Variants in CRCP observed in about 807,000 individuals in gnomAD.
CRCP encodes CGRP receptor component, also known as DNA-directed RNA polymerase III subunit RPC9.
A neutral mutation model predicts 18.5 loss-of-function variants in CRCP; 18 were observed. The ratio of observed to expected loss-of-function variants is 0.97; its 90% CI spans 0.67 to 1.44. CRCP has a LOEUF of 1.44. Ranked by LOEUF, CRCP falls within the 40% of genes most tolerant of loss-of-function variation. CRCP has a pLI of 0.00. For missense variants in CRCP, 130 were observed against 176.4 expected (o/e 0.74, Z 1.49); for synonymous variants, 53 against 62.9 (o/e 0.84, Z 0.75).
At chr7:66,132,394 T>C (rs1256103158) in intron 3 of CRCP, among the ~76,000 whole-genome samples, 1 of 152,194 alleles carries the variant, frequency 6.6e-6, no homozygotes, top group East Asian at 1.9e-4. Flanking sequence ...TTGTAGAATG[T>C]CTGTTGATTT....
intron 4 of CRCP, among the ~76,000 whole-genome samples, chr7:66,139,549 T>G (rs1353893160): frequency 6.6e-6 from 1 of 152,226 alleles, no homozygotes; most frequent in Non-Finnish European, 1.5e-5. Flanking sequence ...ATTTGAGTAT[T>G]ATATTGTTTA....
intron 3 of CRCP, among the ~76,000 whole-genome samples, chr7:66,133,696 G>GT (rs371983195): frequency 0.092 from 13,105 of 142,786 alleles, 719 homozygotes; most frequent in Non-Finnish European, 0.12. Flanking sequence ...CAGATTGAGG[G>GT]TTTTTTTTTT....
At position 66,145,514 on chromosome 7, in the gene CRCP, G is replaced by A. The variant is rs201461496; in HGVS notation, c.297+14G>A. On this transcript the variant is annotated intron_variant, in intron 5 of 5. Transcript: ENST00000395326. The stretch of plus-strand genomic sequence containing the variant: ...GAGATCCAGCTGGTGAGTGAAGGGC[G>A]CCTGTGCTGGGGAGGCTGCTGTGGG... 39 of 1,613,704 alleles carry A rather than the reference G, an allele frequency of 2.4e-5. No homozygotes were observed. In the African/African-American group the frequency reaches 3.2e-4, roughly 13 times the overall value.
chr7:66,134,259 CTTTTTTTTT>C lies in CRCP; in HGVS notation c.145-14_145-6del. 1 of 1,386,640 alleles carries C rather than the reference CTTTTTTTTT, an allele frequency of 7.2e-7. No homozygotes were observed. Among genetic ancestry groups the C allele is most frequent in the Non-Finnish European group, 9.9e-7 (1 of 1,014,230 alleles). The allele number at this position is 1,386,640 out of a possible 1,614,324, so 85.9% of individuals were successfully genotyped here. A position where few individuals can be genotyped will look rare whatever the true frequency, so the allele number is the denominator to read the frequency against. ...TCTTTGTCTTATGCTTGGCTTTTTT[CTTTTTTTTT>C]TTTTTTGCCAGACGTTAAAATACAT... On this transcript the variant is annotated splice_polypyrimidine_tract_variant and intron_variant, in intron 3 of 5. Coordinates refer to ENST00000395326, the MANE Select transcript of CRCP (RefSeq NM_014478.5).
intron 1 of CRCP, among the ~76,000 whole-genome samples, chr7:66,116,396 G>A (rs1347677916): frequency 1.3e-5 from 2 of 151,156 alleles, no homozygotes; most frequent in Non-Finnish European, 2.9e-5. Flanking sequence ...TTACGAGGCT[G>A]AGATGGGAGG....
intron 1 of CRCP, among the ~76,000 whole-genome samples, chr7:66,116,810 C>T (rs1207520170): frequency 1.3e-5 from 2 of 152,036 alleles, no homozygotes; most frequent in East Asian, 1.9e-4. Context: ...CACTGGTCTA[C>T]GGGAATGACT....
intron 1 of CRCP, among the ~76,000 whole-genome samples, chr7:66,121,297 C>T (rs1787433748): frequency 6.6e-6 from 1 of 151,956 alleles, no homozygotes; most frequent in Non-Finnish European, 1.5e-5. Context: ...GTGATTCTAC[C>T]GCCTCGGCCT....
At chr7:66,138,753 A>G (rs922141759) in intron 4 of CRCP, among the ~76,000 whole-genome samples, 5 of 149,870 alleles carry the variant, frequency 3.3e-5, no homozygotes, top group Non-Finnish European at 7.4e-5. Flanking sequence ...AAGATGCGCC[A>G]CTGCACTCCG....
chr7:66,139,244 G>A (rs986861197), intron 4 of CRCP, among the ~76,000 whole-genome samples: 2 of 152,150 alleles, frequency 1.3e-5, no homozygotes, highest in Non-Finnish European at 1.5e-5. Flanking sequence ...GTCTGTATAT[G>A]CACAGATTGT....
chr7:66,134,490 T>A, intron 4 of CRCP, 116 bp downstream of exon 4: 1 of 714,628 alleles, frequency 1.4e-6, no homozygotes, highest in Non-Finnish European at 2.4e-6. Context: ...AGGATTATAG[T>A]ATTGGAGATG....
At chr7:66,119,513 G>T (rs1787369089) in intron 1 of CRCP, 1 of 152,194 alleles carries the variant, frequency 6.6e-6, no homozygotes, top group Non-Finnish European at 1.5e-5. Flanking sequence ...TGAAGTAGGG[G>T]CAGTCTTCTG....
At position 66,152,428 on chromosome 7, in the gene CRCP, A is replaced by C; in HGVS notation, c.*71A>C. The C allele has an allele frequency of 1.3e-6, 2 of 1,553,926 alleles. No individual in the cohort carries two copies. Among genetic ancestry groups the C allele is most frequent in the Non-Finnish European group, 1.8e-6 (2 of 1,138,914 alleles). On this transcript the variant is annotated 3_prime_UTR_variant, in exon 6 of 6. Coordinates refer to ENST00000395326, the MANE Select transcript of CRCP (RefSeq NM_014478.5). ...CAGCCATTTCCTGGACGTTGAGAGG[A>C]TTGTTTATTTGATTTTTATCCTCAT...
intron 1 of CRCP, among the ~76,000 whole-genome samples, chr7:66,115,342 G>T (rs1787225986): frequency 6.6e-6 from 1 of 152,188 alleles, no homozygotes; most frequent in South Asian, 2.1e-4. Context: ...GAGTCTGTCC[G>T]CCCTGAAAGT....
chr7:66,147,910 AT>A (rs1788346526), intron 5 of CRCP, among the ~76,000 whole-genome samples: 2 of 152,106 alleles, frequency 1.3e-5, no homozygotes, highest in Non-Finnish European at 2.9e-5. Context: ...AATGAAAAAA[AT>A]TAGCCAGGTA....
chr7:66,120,094 G>T (rs1179060940), intron 1 of CRCP, among the ~76,000 whole-genome samples: 1 of 151,962 alleles, frequency 6.6e-6, no homozygotes. Flanking sequence ...TGAGGCAGGA[G>T]AATGGCGTGA....
At chr7:66,152,001 G>C (rs1194724616) in intron 5 of CRCP, among the ~76,000 whole-genome samples, 1 of 151,914 alleles carries the variant, frequency 6.6e-6, no homozygotes, top group Non-Finnish European at 1.5e-5. Flanking sequence ...GGTTTTTACT[G>C]ACCCATTTTG....
At chr7:66,116,689 CCA>C (rs1027657002) in intron 1 of CRCP, among the ~76,000 whole-genome samples, 10 of 152,084 alleles carry the variant, frequency 6.6e-5, no homozygotes, top group Admixed American at 2.0e-4. Context: ...TCCTCCGTCC[CCA>C]CATACATGTC....
Position 66,154,004 on chromosome 7 carries a change from T to C in CRCP, c.*1647T>C, listed in dbSNP as rs1788542045. The C allele has an allele frequency of 6.6e-6, 1 of 150,566 alleles. No individual in the cohort carries two copies. Among genetic ancestry groups the C allele is most frequent in the Admixed American group, 6.6e-5 (1 of 15,048 alleles). 9.3% of individuals were successfully genotyped at this position (150,566 alleles called of 1,614,324 possible). On this transcript the variant is annotated 3_prime_UTR_variant, in exon 6 of 6. Transcript: ENST00000395326. Reference sequence around the variant, plus strand: ...TGAACCGGGGAGGCAGAGGTTGCAGTGAGCCAGATCGTGCATTGCACTCCA... The same window carrying C: ...TGAACCGGGGAGGCAGAGGTTGCAGCGAGCCAGATCGTGCATTGCACTCCA...
intron 4 of CRCP, among the ~76,000 whole-genome samples, chr7:66,139,270 T>C (rs1156450844): frequency 6.6e-6 from 1 of 152,238 alleles, no homozygotes; most frequent in African/African-American, 2.4e-5. Flanking sequence ...CATCTTCCGT[T>C]ATCAAGCCTA....
Sources: allele counts gnomAD v4.1 joint callset (sites outside exome capture counted in the v4.1 genomes callset), GRCh38; gene constraint gnomAD v4.1.1; transcripts MANE v1.5; gene names NCBI Gene and HGNC (gene_info 2026-07-23, HGNC 2026-07-21).